Variants in ITGBL1 observed in about 807,000 individuals in gnomAD.
ITGBL1 encodes integrin subunit beta like 1.
A neutral mutation model predicts 68.5 loss-of-function variants in ITGBL1; 51 were observed. The ratio of observed to expected loss-of-function variants is 0.74; its 90% CI spans 0.59 to 0.94. The LOEUF (loss-of-function observed/expected upper bound fraction) is 0.94. Among genes scored for constraint, ITGBL1 ranks in the 40% least tolerant of loss-of-function variants. The pLI is 0.00. For synonymous variants in ITGBL1, 209 were observed against 227.3 expected, an observed-to-expected ratio of 0.92 and a Z score of 0.72; for missense variants, 649 against 647.4, an observed-to-expected ratio of 1.00 and a Z score of -0.03.
chr13:101,541,395 G>C (rs1002015822), intron 2 of ITGBL1, among the ~76,000 whole-genome samples: 2 of 152,104 alleles, frequency 1.3e-5, no homozygotes, highest in African/African-American at 4.8e-5. Context: ...GCATCCCAGG[G>C]ATGAAGCCCA....
At chr13:101,589,202 A>G (rs574952578) in intron 6 of ITGBL1, among the ~76,000 whole-genome samples, 1 of 152,354 alleles carries the variant, frequency 6.6e-6, no homozygotes, top group African/African-American at 2.4e-5. Flanking sequence ...AGGCAATACC[A>G]TTGTCGATAC....
intron 2 of ITGBL1, among the ~76,000 whole-genome samples, chr13:101,511,598 C>T (rs2049116789): frequency 1.3e-5 from 2 of 152,112 alleles, no homozygotes; most frequent in African/African-American, 4.8e-5. Flanking sequence ...GCCAGGCCTT[C>T]CCTGGAGTTA....
intron 7 of ITGBL1, among the ~76,000 whole-genome samples, chr13:101,630,753 C>G (rs1412295562): frequency 6.6e-6 from 1 of 152,096 alleles, no homozygotes; most frequent in Admixed American, 6.6e-5. Flanking sequence ...TTTTCAATGG[C>G]AAATTTAATT....
intron 7 of ITGBL1, among the ~76,000 whole-genome samples, chr13:101,629,158 C>A (rs1037197394): frequency 6.6e-6 from 1 of 152,006 alleles, no homozygotes; most frequent in Non-Finnish European, 1.5e-5. Flanking sequence ...CTTTGACAAC[C>A]CTTTACATTT....
intron 2 of ITGBL1, among the ~76,000 whole-genome samples, chr13:101,457,228 T>TG (rs1162952323): frequency 6.6e-6 from 1 of 152,046 alleles, no homozygotes; most frequent in Non-Finnish European, 1.5e-5. Flanking sequence ...AGATGACAGA[T>TG]GGGTAGATAG....
rs537904651 is a variant in ITGBL1, at chr13:101,501,882, A to C, written c.316+47782A>C. Among the ~76,000 whole-genome samples the C allele has an allele frequency of 7.1e-4, 108 of 152,308 alleles. 1 individual carries two copies. Among genetic ancestry groups the C allele is most frequent in the African/African-American group, 2.4e-3 (101 of 41,572 alleles). On this transcript the variant is annotated intron_variant, in intron 2 of 10. Coordinates refer to ENST00000376180, the MANE Select transcript of ITGBL1 (RefSeq NM_004791.3). ...CCTAACCAGCTTCCTGAAGTGGCTC[A>C]TGGTTGAATTTTTGGGAATCCTTTA... is the stretch of plus-strand genomic sequence containing the variant.
At chr13:101,506,254 T>C (rs1456546806) in intron 2 of ITGBL1, among the ~76,000 whole-genome samples, 2 of 152,124 alleles carry the variant, frequency 1.3e-5, no homozygotes, top group East Asian at 1.9e-4. Flanking sequence ...CCAGGAGGCA[T>C]ATCTCTCTAC....
At chr13:101,470,393 G>A (rs927191628) in intron 2 of ITGBL1, among the ~76,000 whole-genome samples, 3 of 151,520 alleles carry the variant, frequency 2.0e-5, no homozygotes, top group African/African-American at 7.3e-5. Context: ...GCAGTGGCGC[G>A]ATCTCGGCTC....
intron 7 of ITGBL1, among the ~76,000 whole-genome samples, chr13:101,670,085 T>C (rs573613639): frequency 1.3e-5 from 2 of 152,340 alleles, no homozygotes; most frequent in South Asian, 4.1e-4. Context: ...AATGTCTTCC[T>C]CCAGGATAAC....
chr13:101,540,349 G>A (rs2049671281), intron 2 of ITGBL1, among the ~76,000 whole-genome samples: 1 of 152,180 alleles, frequency 6.6e-6, no homozygotes, highest in Non-Finnish European at 1.5e-5. Context: ...GTATGTCAAA[G>A]ATCAGATGGT....
intron 2 of ITGBL1, among the ~76,000 whole-genome samples, chr13:101,564,776 A>G (rs575523949): frequency 6.6e-6 from 1 of 151,234 alleles, no homozygotes; most frequent in African/African-American, 2.4e-5. Context: ...ATGTAATTAT[A>G]TATGTTATAT....
intron 7 of ITGBL1, among the ~76,000 whole-genome samples, chr13:101,630,486 T>C (rs1279835718): frequency 1.3e-5 from 2 of 152,174 alleles, no homozygotes; most frequent in East Asian, 3.9e-4. Context: ...GCATGGTAAG[T>C]TGTTTCTAAC....
chr13:101,598,306 G>C lies in ITGBL1; in HGVS notation c.1015+7G>C, dbSNP rs778866923. 1.3e-6 allele frequency: 2 copies of C among 1,596,538 alleles called. No individual in the cohort carries two copies. Among genetic ancestry groups the C allele is most frequent in the Non-Finnish European group, 1.7e-6 (2 of 1,172,186 alleles). On this transcript the variant is annotated splice_region_variant and intron_variant, in intron 7 of 10. Transcript: ENST00000376180. ...CTGCCTTGCTCTGGGAGGGGTAAGT[G>C]AGGTCTCTCAGGGCTTCCCACGGCC... is the stretch of plus-strand genomic sequence containing the variant.
intron 8 of ITGBL1, among the ~76,000 whole-genome samples, chr13:101,699,189 C>T (rs909168233): frequency 3.9e-5 from 6 of 152,166 alleles, no homozygotes; most frequent in South Asian, 2.1e-4. Context: ...ACACCTGTTT[C>T]GTGAATTTGT....
intron 2 of ITGBL1, among the ~76,000 whole-genome samples, chr13:101,505,401 C>A (rs1335590): frequency 0.77 from 117,712 of 151,892 alleles, 45,973 homozygotes; most frequent in African/African-American, 0.88. Flanking sequence ...GTAAATAAAT[C>A]AATCTATAGA....
chr13:101,578,049 C>T (rs2050392585), intron 4 of ITGBL1, among the ~76,000 whole-genome samples: 1 of 152,166 alleles, frequency 6.6e-6, no homozygotes, highest in East Asian at 1.9e-4. Context: ...CTCACTATAG[C>T]ACTCTTTCTG....
At chr13:101,535,456 G>T (rs868848407) in intron 2 of ITGBL1, among the ~76,000 whole-genome samples, 5 of 152,052 alleles carry the variant, frequency 3.3e-5, no homozygotes. Context: ...AATTATTTTA[G>T]TTTAAACTTT....
chr13:101,675,461 T>C (rs1229617421), intron 7 of ITGBL1, among the ~76,000 whole-genome samples: 2 of 152,172 alleles, frequency 1.3e-5, no homozygotes, highest in African/African-American at 4.8e-5. Flanking sequence ...GTAAGGTTGA[T>C]TTCTTCCAAG....
At chr13:101,709,050 T>C (rs892875279) in intron 9 of ITGBL1, among the ~76,000 whole-genome samples, 11 of 152,028 alleles carry the variant, frequency 7.2e-5, no homozygotes, top group South Asian at 2.1e-4. Context: ...AGGGAAAGAA[T>C]TGGGGAGAAG....
Sources: allele counts gnomAD v4.1 joint callset (sites outside exome capture counted in the v4.1 genomes callset), GRCh38; gene constraint gnomAD v4.1.1; transcripts MANE v1.5; gene names NCBI Gene and HGNC (gene_info 2026-07-23, HGNC 2026-07-21).